Variants in HYDIN observed in about 807,000 individuals in gnomAD.
The protein encoded by HYDIN is axonemal central pair apparatus protein HYDIN.
Under a neutral mutation model 403.9 loss-of-function variants are expected in HYDIN, and 132 were observed. That is an observed-to-expected ratio of 0.33 (90% CI 0.28 to 0.38). HYDIN has a LOEUF of 0.38. Among genes scored for constraint, HYDIN ranks in the 10% least tolerant of loss-of-function variants. HYDIN has a pLI of 1.00. For synonymous variants in HYDIN, 1,202 were observed against 1,891.7 expected (o/e 0.64, Z 9.46); for missense variants, 2,827 against 5,009.5 (o/e 0.56, Z 13.15).
chr16:71,131,830 T>C (rs2084721673), intron 8 of HYDIN: 1 of 150,532 alleles, frequency 6.6e-6, no homozygotes, highest in East Asian at 2.0e-4. Context: ...TTGAATCCCC[T>C]GGTGCTAACC....
At chr16:70,851,695 T>A (rs1454537722) in intron 73 of HYDIN, among the ~76,000 whole-genome samples, 15 of 148,418 alleles carry the variant, frequency 1.0e-4, no homozygotes, top group African/African-American at 3.6e-4. Context: ...AAAACAGAAC[T>A]ATCATTCAAC....
At chr16:71,038,755 G>A (rs1208159009) in intron 18 of HYDIN, among the ~76,000 whole-genome samples, 2 of 152,200 alleles carry the variant, frequency 1.3e-5, no homozygotes, top group Admixed American at 6.5e-5. Context: ...CCGCCTCCTG[G>A]GTCCAAGCAA....
chr16:70,905,929 C>T (rs2076524125), intron 50 of HYDIN, among the ~76,000 whole-genome samples: 1 of 151,862 alleles, frequency 6.6e-6, no homozygotes. Context: ...TCAGCAAATT[C>T]CCTTCATCTT....
intron 23 of HYDIN, among the ~76,000 whole-genome samples, chr16:70,999,412 T>C (rs552652720): frequency 2.0e-4 from 30 of 152,140 alleles, no homozygotes; most frequent in African/African-American, 7.0e-4. Context: ...TTATCATCAC[T>C]ATTCCCTACC....
intron 10 of HYDIN, among the ~76,000 whole-genome samples, chr16:71,103,825 G>A (rs1307189089): frequency 6.6e-6 from 1 of 152,090 alleles, no homozygotes; most frequent in African/African-American, 2.4e-5. Context: ...TAAATCTATA[G>A]ATGAATTTGG....
chr16:70,965,275 T>C (rs2078539137), intron 36 of HYDIN, among the ~76,000 whole-genome samples: 1 of 152,218 alleles, frequency 6.6e-6, no homozygotes, highest in Non-Finnish European at 1.5e-5. Context: ...TTAGCAATTT[T>C]ACATTAAGCA....
intron 30 of HYDIN, among the ~76,000 whole-genome samples, chr16:70,976,169 A>G (rs974503594): frequency 1.3e-5 from 2 of 152,268 alleles, no homozygotes; most frequent in Non-Finnish European, 2.9e-5. Flanking sequence ...TGATGGTGTC[A>G]AGTCCTCTTA....
At chr16:71,034,323 C>T (rs2081015959) in intron 18 of HYDIN, among the ~76,000 whole-genome samples, 1 of 151,864 alleles carries the variant, frequency 6.6e-6, no homozygotes, top group Non-Finnish European at 1.5e-5. Flanking sequence ...GACTGGAAAC[C>T]TCCTGACAAA....
intron 1 of HYDIN, among the ~76,000 whole-genome samples, chr16:71,214,356 A>C (rs1023670517): frequency 9.2e-5 from 14 of 152,214 alleles, no homozygotes; most frequent in South Asian, 6.2e-4. Flanking sequence ...GAAAAAATTT[A>C]GTCCTCAAAA....
intron 63 of HYDIN, 50 bp downstream of exon 63, chr16:70,874,767 A>C (rs2040347192): frequency 1.3e-6 from 2 of 1,569,198 alleles, no homozygotes; most frequent in African/African-American, 2.7e-5. Flanking sequence ...CCCCTAATGA[A>C]GCAGCTACTG....
At chr16:70,910,416 C>G (rs2076664314) in intron 47 of HYDIN, among the ~76,000 whole-genome samples, 1 of 152,170 alleles carries the variant, frequency 6.6e-6, no homozygotes, top group Non-Finnish European at 1.5e-5. Context: ...TTAATTCATT[C>G]CTTCTTATGG....
intron 84 of HYDIN, among the ~76,000 whole-genome samples, 153 bp from the exon 85 acceptor site, chr16:70,810,160 C>T (rs996718242): frequency 6.6e-6 from 1 of 152,116 alleles, no homozygotes; most frequent in Non-Finnish European, 1.5e-5. Context: ...CCAAACCAGC[C>T]CACCCTCTCT....
chr16:70,922,103 T>C (rs2077012286), intron 45 of HYDIN, among the ~76,000 whole-genome samples: 1 of 152,204 alleles, frequency 6.6e-6, no homozygotes, highest in Non-Finnish European at 1.5e-5. Context: ...CAGGCCAGCA[T>C]CAGGCTTGGA....
chr16:70,808,120 C>T (rs1319738052), intron 85 of HYDIN, 58 bp from the exon 86 acceptor site: 3 of 1,539,536 alleles, frequency 1.9e-6, no homozygotes, highest in Non-Finnish European at 2.6e-6. Context: ...ACACCAGGAG[C>T]TCAAGTCTAC....
intron 75 of HYDIN, among the ~76,000 whole-genome samples, chr16:70,840,751 G>C (rs988548225): frequency 3.7e-4 from 56 of 152,050 alleles, no homozygotes; most frequent in Middle Eastern, 3.2e-3. Flanking sequence ...CTGGAATGCA[G>C]ACATAGGATG....
chr16:71,161,557 G>GT (rs1357650129), intron 6 of HYDIN, among the ~76,000 whole-genome samples: 1 of 152,130 alleles, frequency 6.6e-6, no homozygotes, highest in Non-Finnish European at 1.5e-5. Context: ...CTATCCCTCG[G>GT]TTTTCTCATC....
chr16:70,977,585 T>C (rs1213828295), intron 30 of HYDIN, among the ~76,000 whole-genome samples: 3 of 149,418 alleles, frequency 2.0e-5, no homozygotes, highest in African/African-American at 7.4e-5. Context: ...ACCTAAGGGC[T>C]CTCTAGCCAC....
At chr16:71,219,625 A>G (rs2089089305) in intron 1 of HYDIN, among the ~76,000 whole-genome samples, 2 of 152,232 alleles carry the variant, frequency 1.3e-5, no homozygotes, top group Admixed American at 6.5e-5. Flanking sequence ...ACCTCAAGGG[A>G]TAAATATGAC....
intron 5 of HYDIN, among the ~76,000 whole-genome samples, chr16:71,172,815 G>C (rs1337585394): frequency 6.6e-6 from 1 of 152,156 alleles, no homozygotes; most frequent in Non-Finnish European, 1.5e-5. Flanking sequence ...ATCAGCAGGG[G>C]ATAAGAAAGA....
Sources: allele counts gnomAD v4.1 joint callset (sites outside exome capture counted in the v4.1 genomes callset), GRCh38; gene constraint gnomAD v4.1.1; transcripts MANE v1.5; gene names NCBI Gene and HGNC (gene_info 2026-07-23, HGNC 2026-07-21).